KHDRBS3: variants seen among roughly 807,000 people sequenced by gnomAD.
KHDRBS3 encodes KH RNA binding domain containing, signal transduction associated 3, also known as KH domain-containing, RNA-binding, signal transduction-associated protein 3.
In KHDRBS3, 23 loss-of-function variants were observed where a neutral mutation model predicts 45.6. The ratio of observed to expected loss-of-function variants is 0.50; its 90% CI spans 0.36 to 0.72. KHDRBS3 has a LOEUF of 0.72. Ranked by LOEUF, KHDRBS3 falls within the 30% of genes least tolerant of loss-of-function variation. KHDRBS3 has a pLI of 0.00. For missense variants in KHDRBS3, 352 were observed against 424.8 expected (o/e 0.83, Z 1.51); for synonymous variants, 162 against 156.5 (o/e 1.04, Z -0.26).
chr8:135,474,932 A>G (rs981655698), intron 1 of KHDRBS3, among the ~76,000 whole-genome samples: 1 of 152,190 alleles, frequency 6.6e-6, no homozygotes, highest in Non-Finnish European at 1.5e-5. Context: ...TGAGCTTTCC[A>G]GCTCTGGAGG....
At chr8:135,554,584 A>C (rs1225603918) in intron 4 of KHDRBS3, among the ~76,000 whole-genome samples, 2 of 152,154 alleles carry the variant, frequency 1.3e-5, no homozygotes, top group South Asian at 2.1e-4. Flanking sequence ...CAGGGAAATA[A>C]TTTATATTTA....
intron 7 of KHDRBS3, among the ~76,000 whole-genome samples, chr8:135,619,068 G>A (rs1383917520): frequency 6.6e-6 from 1 of 152,124 alleles, no homozygotes; most frequent in African/African-American, 2.4e-5. Flanking sequence ...AAGTGTAAAG[G>A]CATAAATGCT....
intron 1 of KHDRBS3, among the ~76,000 whole-genome samples, chr8:135,483,441 A>G (rs563603459): frequency 4.5e-4 from 68 of 152,266 alleles, no homozygotes; most frequent in Middle Eastern, 6.8e-3. Context: ...ATTGGGGTGT[A>G]GTAAGATGTT....
At chr8:135,515,040 T>C (rs1824498152) in intron 1 of KHDRBS3, among the ~76,000 whole-genome samples, 1 of 152,126 alleles carries the variant, frequency 6.6e-6, no homozygotes, top group African/African-American at 2.4e-5. Flanking sequence ...GATATTTTTG[T>C]ATGTAAAGGA....
intron 6 of KHDRBS3, among the ~76,000 whole-genome samples, chr8:135,587,859 A>G (rs1375294677): frequency 2.6e-5 from 4 of 152,318 alleles, no homozygotes; most frequent in East Asian, 1.9e-4. Context: ...AACACTCAGT[A>G]TGGTAGTTTT....
At chr8:135,546,226 G>A (rs545606221) in intron 3 of KHDRBS3, among the ~76,000 whole-genome samples, 65 of 151,344 alleles carry the variant, frequency 4.3e-4, no homozygotes, top group African/African-American at 1.4e-3. Context: ...CTGAATTCTT[G>A]AATATTGATT....
intron 2 of KHDRBS3, among the ~76,000 whole-genome samples, chr8:135,529,789 G>T (rs536295196): frequency 2.0e-5 from 3 of 152,092 alleles, no homozygotes; most frequent in Non-Finnish European, 4.4e-5. Context: ...GGCTGGGTGC[G>T]GTGGCTCATG....
chr8:135,564,224 G>A lies in KHDRBS3; in HGVS notation c.611+6637G>A, dbSNP rs537011914. 2.6e-4 allele frequency among the ~76,000 whole-genome samples: 40 copies of A among 152,230 alleles called. No homozygotes were observed. In the East Asian group the frequency reaches 4.2e-3, roughly 16 times the overall value. On this transcript the variant is annotated intron_variant, in intron 5 of 8. Transcript: ENST00000355849. ...TTTCATGATGTCACATCTTTGTGAC[G>A]CTGGTATTTTACCAGATGCTGTGAT... is the stretch of plus-strand genomic sequence containing the variant.
chr8:135,457,927 A>C lies in KHDRBS3; in HGVS notation c.61A>C (p.Thr21Pro), dbSNP rs758752425. 4.4e-6 allele frequency: 7 copies of C among 1,602,348 alleles called. No individual in the cohort carries two copies. The highest frequency in any genetic ancestry group is 4.3e-6 in the Non-Finnish European group (5 of 1,175,230). The change falls in exon 1 of 9, where the codon ACG becomes CCG. Residue 21 changes from threonine to proline, a missense_variant. Coordinates refer to ENST00000355849, the MANE Select transcript of KHDRBS3 (RefSeq NM_006558.3). This position sits in a 1 kb window ranked among gnomAD's most constrained non-coding sequence, Gnocchi z 4.4. The part of the protein sequence containing the change: ...AEKDSLDPSF[T>P]HALRLVNQEI... Reference sequence around the variant, plus strand: ...GAAGGACTCCCTGGACCCCTCCTTCACGCACGCCCTGCGCCTGGTGAACCA... The same window carrying C: ...GAAGGACTCCCTGGACCCCTCCTTCCCGCACGCCCTGCGCCTGGTGAACCA...
chr8:135,626,631 G>A (rs1452129231), intron 7 of KHDRBS3, among the ~76,000 whole-genome samples: 1 of 152,044 alleles, frequency 6.6e-6, no homozygotes, highest in Non-Finnish European at 1.5e-5. Flanking sequence ...GTGAAACCCC[G>A]TTTCTACTAA....
intron 7 of KHDRBS3, among the ~76,000 whole-genome samples, chr8:135,630,574 G>A (rs575926229): frequency 1.3e-5 from 2 of 151,710 alleles, no homozygotes; most frequent in Admixed American, 1.3e-4. Flanking sequence ...TCATCATTAG[G>A]GGAACATCAT....
intron 1 of KHDRBS3, among the ~76,000 whole-genome samples, chr8:135,486,814 G>T (rs1040581017): frequency 6.6e-6 from 1 of 152,156 alleles, no homozygotes; most frequent in Non-Finnish European, 1.5e-5. Flanking sequence ...TTGATGTGGA[G>T]AAATATTGTT....
intron 1 of KHDRBS3, among the ~76,000 whole-genome samples, chr8:135,482,278 G>GA (rs1203987801): frequency 6.6e-6 from 1 of 152,162 alleles, no homozygotes; most frequent in South Asian, 2.1e-4. Flanking sequence ...TAGGCAGAAA[G>GA]AAAAATAATT....
At chr8:135,650,163 G>T (rs1027923448), downstream of KHDRBS3, among the ~76,000 whole-genome samples, 2 of 152,132 alleles carry the variant, frequency 1.3e-5, no homozygotes, top group African/African-American at 4.8e-5. Context: ...AGAGGCACTG[G>T]TCATACAAAG....
intron 1 of KHDRBS3, among the ~76,000 whole-genome samples, chr8:135,487,705 T>TC (rs1422653893): frequency 2.0e-5 from 3 of 152,146 alleles, no homozygotes; most frequent in African/African-American, 7.2e-5. Flanking sequence ...ACATACAAAG[T>TC]CCTGGAGCCT....
At chr8:135,521,793 A>T (rs939940442) in intron 2 of KHDRBS3, among the ~76,000 whole-genome samples, 40 of 152,088 alleles carry the variant, frequency 2.6e-4, no homozygotes, top group Non-Finnish European at 1.5e-4. Flanking sequence ...TGTTGTGTGT[A>T]TTAGTAGTTC....
intron 2 of KHDRBS3, among the ~76,000 whole-genome samples, chr8:135,534,883 C>G (rs1457990927): frequency 3.3e-5 from 5 of 152,134 alleles, no homozygotes; most frequent in Admixed American, 3.3e-4. Flanking sequence ...CCTATTCACG[C>G]TGAGGCTGCC....
chr8:135,577,514 T>C (rs1828002470), intron 5 of KHDRBS3, among the ~76,000 whole-genome samples: 1 of 152,196 alleles, frequency 6.6e-6, no homozygotes, highest in South Asian at 2.1e-4. Context: ...ATATAGTATG[T>C]AGCCTTTCCA....
At chr8:135,629,603 C>A (rs1427860220) in intron 7 of KHDRBS3, among the ~76,000 whole-genome samples, 1 of 152,200 alleles carries the variant, frequency 6.6e-6, no homozygotes, top group Non-Finnish European at 1.5e-5. Flanking sequence ...ATCATTACTG[C>A]ATGCTAGGTC....
Sources: gnomAD v4.1 joint callset for allele counts (sites outside exome capture counted in the v4.1 genomes callset) on GRCh38, gnomAD v4.1.1 for gene constraint, Gnocchi (gnomAD v3.1) non-coding constraint, MANE v1.5 for transcripts, NCBI Gene and HGNC (gene_info 2026-07-23, HGNC 2026-07-21) for gene names.